TMC1: variants seen among roughly 807,000 people sequenced by gnomAD.
The protein encoded by TMC1 is transmembrane channel like 1.
A neutral mutation model predicts 105.8 loss-of-function variants in TMC1; 84 were observed. The observed-to-expected ratio is 0.79, with a 90% CI of 0.67 to 0.95. The LOEUF is 0.95. Ranked by LOEUF, TMC1 falls within the 40% of genes least tolerant of loss-of-function variation. The probability of loss-of-function intolerance (pLI) is 0.00; values close to 1 mark genes in which losing one functional copy is unlikely to be tolerated. For missense variants in TMC1, 817 were observed against 914.1 expected, an observed-to-expected ratio of 0.89 and a Z score of 1.37; for synonymous variants, 315 against 311.5, an observed-to-expected ratio of 1.01 and a Z score of -0.12.
Position 72,792,320 on chromosome 9 carries a change from C to G in TMC1, c.1534C>G (p.Arg512Gly). ...TTTTGTTCACCCTGCAGATGTACCT[C>G]GAGGACCTTGCTGGGAAACAATGGT... ...PFFVHPADVP[R>G]GPCWETMVGQ... The change falls in exon 17 of 24, where the codon CGA (arginine) becomes GGA (glycine). Residue 512 changes from arginine (R) to glycine (G), a missense_variant. Arg to Gly is a moderately radical substitution (Grantham distance 125). Transcript: ENST00000297784. 1 of 1,614,068 alleles carries G rather than the reference C, an allele frequency of 6.2e-7. No individual in the cohort carries two copies.
intron 5 of TMC1, among the ~76,000 whole-genome samples, chr9:72,668,433 G>T (rs1826076972): frequency 6.6e-6 from 1 of 152,180 alleles, no homozygotes; most frequent in South Asian, 2.1e-4. Flanking sequence ...TATTCTTGTT[G>T]ATTGAGTGAA....
chr9:72,606,759 A>G (rs1824920783), intron 2 of TMC1, among the ~76,000 whole-genome samples: 2 of 152,128 alleles, frequency 1.3e-5, no homozygotes, highest in South Asian at 2.1e-4. Context: ...AGGAGTTAGT[A>G]TAGTAGTTGA....
intron 12 of TMC1, among the ~76,000 whole-genome samples, chr9:72,770,451 C>A (rs1827908145): frequency 7.5e-6 from 1 of 132,792 alleles, no homozygotes; most frequent in Admixed American, 8.0e-5. Context: ...CGGGGTCTCA[C>A]TTTGTCACCT....
intron 1 of TMC1, among the ~76,000 whole-genome samples, chr9:72,553,218 C>T (rs751893787): frequency 5.3e-5 from 8 of 152,094 alleles, no homozygotes; most frequent in African/African-American, 1.9e-4. Flanking sequence ...GGTGATCCAC[C>T]GGCCTCTGCT....
intron 5 of TMC1, among the ~76,000 whole-genome samples, chr9:72,668,234 A>T (rs1826074054): frequency 6.6e-6 from 1 of 152,142 alleles, no homozygotes; most frequent in Non-Finnish European, 1.5e-5. Context: ...CTATGATGTT[A>T]TTTGTTTTCA....
rs1252885592 is a variant in TMC1 at position 72,521,742 on chromosome 9, C to T, written c.-599C>T. On this transcript the variant is annotated 5_prime_UTR_variant, in exon 1 of 24. Transcript: ENST00000297784. ...TGGGTGACAGAGCAAGACTCCGTCACAAAAAAAAAAAGAAAAAAGAAACAC... is the reference window on the plus strand; with the variant it reads ...TGGGTGACAGAGCAAGACTCCGTCATAAAAAAAAAAAGAAAAAAGAAACAC... The T allele has an allele frequency of 3.7e-5, 5 of 136,762 alleles. No homozygotes were observed. The highest frequency in any genetic ancestry group is 1.3e-4 in the African/African-American group (5 of 37,204). The allele number at this position is 136,762 out of a possible 1,614,324, so 8.5% of individuals were successfully genotyped here. A position where few individuals can be genotyped will look rare whatever the true frequency, so the allele number is the denominator to read the frequency against.
chr9:72,811,448 C>T (rs1034771827), intron 18 of TMC1, among the ~76,000 whole-genome samples: 2 of 152,034 alleles, frequency 1.3e-5, no homozygotes, highest in Admixed American at 6.6e-5. Flanking sequence ...ATAGTTTGTC[C>T]CTAGGAAGGA....
intron 8 of TMC1, among the ~76,000 whole-genome samples, chr9:72,735,957 A>G (rs1418957257): frequency 3.3e-5 from 5 of 152,206 alleles, no homozygotes; most frequent in Admixed American, 3.3e-4. Flanking sequence ...GGGATTAGCT[A>G]AAATGGCTGT....
chr9:72,682,296 C>T lies in TMC1; in HGVS notation c.17-6413C>T, dbSNP rs963886404. On this transcript the variant is annotated intron_variant, in intron 5 of 23. Transcript: ENST00000297784. ...TACACACAGAAGAAATATCAGCCTA[C>T]GTCTGTCTCATTAAATCTTATCCCC... Among the ~76,000 whole-genome samples, 7 of 152,224 alleles carry T rather than the reference C, an allele frequency of 4.6e-5. No individual in the cohort carries two copies. The East Asian group carries it at 7.7e-4, about 17-fold the overall frequency.
At chr9:72,803,493 A>T (rs978082983) in intron 17 of TMC1, among the ~76,000 whole-genome samples, 3 of 152,140 alleles carry the variant, frequency 2.0e-5, no homozygotes, top group Non-Finnish European at 4.4e-5. Flanking sequence ...TTTGACAAAG[A>T]TCTAATATCC....
At chr9:72,634,255 G>A (rs1825496552) in intron 4 of TMC1, among the ~76,000 whole-genome samples, 1 of 152,140 alleles carries the variant, frequency 6.6e-6, no homozygotes. Flanking sequence ...GCCAGAATGC[G>A]AAAGTTTAAA....
intron 1 of TMC1, among the ~76,000 whole-genome samples, chr9:72,555,819 C>T (rs1182411905): frequency 6.6e-6 from 1 of 151,426 alleles, no homozygotes; most frequent in Non-Finnish European, 1.5e-5. Flanking sequence ...GATGGGGTTT[C>T]ACCATATTCC....
At chr9:72,782,578 AG>A (rs1356685575) in intron 13 of TMC1, among the ~76,000 whole-genome samples, 5 of 152,224 alleles carry the variant, frequency 3.3e-5, no homozygotes, top group Admixed American at 6.5e-5. Flanking sequence ...CTCTGCCCAA[AG>A]GTTCCTAGAT....
chr9:72,829,722 G>A (rs1016896850), intron 21 of TMC1, among the ~76,000 whole-genome samples: 19 of 152,176 alleles, frequency 1.2e-4, no homozygotes, highest in Non-Finnish European at 2.5e-4. Flanking sequence ...TCAATATCCA[G>A]TTATTTGCAG....
chr9:72,668,645 C>T (rs1279385424), intron 5 of TMC1, among the ~76,000 whole-genome samples: 4 of 152,126 alleles, frequency 2.6e-5, no homozygotes, highest in South Asian at 2.1e-4. Flanking sequence ...TCTAAAAGTC[C>T]GGTCCTGAGC....
intron 7 of TMC1, among the ~76,000 whole-genome samples, chr9:72,695,537 AG>A (rs34472074): frequency 0.22 from 33,837 of 152,080 alleles, 4,066 homozygotes; most frequent in East Asian, 0.39. Flanking sequence ...CACAGGTAAT[AG>A]GGCCATGCGA....
chr9:72,741,866 G>C (rs1280382153), intron 9 of TMC1, among the ~76,000 whole-genome samples: 1 of 152,132 alleles, frequency 6.6e-6, no homozygotes, highest in Non-Finnish European at 1.5e-5. Context: ...TTTATGACTT[G>C]TTGTCTTCTC....
At chr9:72,528,335 A>ATT (rs555613729) in intron 1 of TMC1, among the ~76,000 whole-genome samples, 101 of 141,420 alleles carry the variant, frequency 7.1e-4, no homozygotes, top group Non-Finnish European at 1.1e-3. Flanking sequence ...TAAGTTCATG[A>ATT]TTTTTTTTTT....
At chr9:72,755,156 T>C (rs921780209) in intron 12 of TMC1, among the ~76,000 whole-genome samples, 26 of 151,986 alleles carry the variant, frequency 1.7e-4, no homozygotes, top group African/African-American at 6.3e-4. Flanking sequence ...TTTATATAAA[T>C]GTGACTATGA....
Sources: allele counts gnomAD v4.1 joint callset (sites outside exome capture counted in the v4.1 genomes callset), GRCh38; gene constraint gnomAD v4.1.1; transcripts MANE v1.5; gene names NCBI Gene and HGNC (gene_info 2026-07-23, HGNC 2026-07-21).